The following KANTR variants were observed in gnomAD, a reference collection of about 807,000 sequenced individuals.
KANTR encodes KANTR integral membrane protein, also known as KDM5C adjacent transcript.
At chrX:53,115,066 G>T (rs1427646231) in intron 2 of KANTR, among the ~76,000 whole-genome samples, 1 of 112,222 alleles carries the variant, frequency 8.9e-6, no homozygotes, top group Non-Finnish European at 1.9e-5. Context: ...AGCCTGAAGG[G>T]TGGGGCCACA....
At chrX:53,134,377 T>A (rs782204330) in intron 2 of KANTR, among the ~76,000 whole-genome samples, 25 of 108,877 alleles carry the variant, frequency 2.3e-4, no homozygotes, top group East Asian at 2.3e-3. Context: ...AAAAAAAAAA[T>A]TTTTCCGCAA....
intron 2 of KANTR, among the ~76,000 whole-genome samples, chrX:53,112,571 G>A (rs1489544039): frequency 5.4e-5 from 6 of 111,726 alleles, no homozygotes; most frequent in African/African-American, 1.9e-4. Context: ...TTCATGGCCT[G>A]TAAGGTCTCT....
At chrX:53,146,318 ACCACAGC>A (rs1399081972), downstream of KANTR, among the ~76,000 whole-genome samples, 1 of 112,138 alleles carries the variant, frequency 8.9e-6, no homozygotes, top group Non-Finnish European at 1.9e-5. Flanking sequence ...GGAGCTGAAA[ACCACAGC>A]ACAAGAACTA....
chrX:53,113,915 T>G (rs1405849692), intron 2 of KANTR, among the ~76,000 whole-genome samples: 15 of 105,996 alleles, frequency 1.4e-4, no homozygotes, highest in Admixed American at 1.2e-3. Flanking sequence ...AAAATTTATT[T>G]TGAGACAGAG....
intron 2 of KANTR, among the ~76,000 whole-genome samples, chrX:53,107,111 C>T (rs896420012): frequency 1.8e-5 from 2 of 109,848 alleles, no homozygotes; most frequent in African/African-American, 6.8e-5. Context: ...AGTCTTCCAA[C>T]TTTGTTCTTT....
At chrX:53,141,523 C>T (rs1368022296) in intron 2 of KANTR, among the ~76,000 whole-genome samples, 1 of 111,590 alleles carries the variant, frequency 9.0e-6, no homozygotes, top group Admixed American at 9.6e-5. Flanking sequence ...TTTAAAGGAA[C>T]ATAACTGATT....
At chrX:53,100,155 C>G (rs1195636747) in intron 2 of KANTR, among the ~76,000 whole-genome samples, 2 of 112,312 alleles carry the variant, frequency 1.8e-5, no homozygotes, top group Non-Finnish European at 3.8e-5. Context: ...TAGATGGCAT[C>G]TTCTCCCCAT....
intron 2 of KANTR, among the ~76,000 whole-genome samples, chrX:53,116,683 C>T (rs1470633122): frequency 9.0e-6 from 1 of 111,571 alleles, no homozygotes; most frequent in Non-Finnish European, 1.9e-5. Flanking sequence ...TGATGATTTT[C>T]ACTTCATTCT....
intron 2 of KANTR, among the ~76,000 whole-genome samples, chrX:53,116,996 AAT>A (rs1556814676): frequency 8.9e-6 from 1 of 111,777 alleles, no homozygotes; most frequent in African/African-American, 3.3e-5. Context: ...ATGATAAAAG[AAT>A]AGGCTGGGCG....
chrX:53,124,741 G>C (rs1381562955), exon 3 of KANTR: 1 of 214,329 alleles, frequency 4.7e-6, no homozygotes. Context: ...TTATCTCTTT[G>C]TTATTGAAAT....
intron 2 of KANTR, among the ~76,000 whole-genome samples, chrX:53,116,936 C>T (rs1933131900): frequency 9.0e-6 from 1 of 111,548 alleles, no homozygotes; most frequent in African/African-American, 3.3e-5. Context: ...TCCTTCCTCA[C>T]GTTCTCTACT....
intron 2 of KANTR, among the ~76,000 whole-genome samples, chrX:53,134,641 A>G (rs1933399915): frequency 8.9e-6 from 1 of 112,075 alleles, no homozygotes; most frequent in African/African-American, 3.2e-5. Context: ...ATTTGCATTT[A>G]TCAGAACACA....
At chrX:53,128,645 G>T (rs1449387004), downstream of KANTR, among the ~76,000 whole-genome samples, 1 of 110,953 alleles carries the variant, frequency 9.0e-6, no homozygotes, top group East Asian at 2.8e-4. Context: ...AAATAAATCA[G>T]TTTTCTAGGA....
At chrX:53,095,715 T>C (rs1198084736) in intron 1 of KANTR, among the ~76,000 whole-genome samples, 2 of 111,494 alleles carry the variant, frequency 1.8e-5, no homozygotes, top group African/African-American at 6.5e-5. Context: ...TGTGTGTTGA[T>C]TGGTGATTCA....
chrX:53,133,679 T>C (rs966491752), intron 2 of KANTR, among the ~76,000 whole-genome samples: 1 of 111,689 alleles, frequency 9.0e-6, no homozygotes, highest in African/African-American at 3.3e-5. Context: ...GATCTACTAT[T>C]GAGGGTGGGG....
intron 2 of KANTR, among the ~76,000 whole-genome samples, chrX:53,117,698 G>C (rs1190776458): frequency 1.0e-5 from 1 of 95,419 alleles, no homozygotes; most frequent in African/African-American, 4.0e-5. Context: ...TCGGCTCACT[G>C]TAACCTCCGC....
chrX:53,127,670 C>T (rs1346287111), downstream of KANTR, among the ~76,000 whole-genome samples: 4 of 111,616 alleles, frequency 3.6e-5, no homozygotes, highest in Non-Finnish European at 7.5e-5. Context: ...TGGCTGTACG[C>T]CCTAGGGCTC....
chrX:53,109,664 T>C (rs1933000899), intron 2 of KANTR, among the ~76,000 whole-genome samples: 1 of 112,752 alleles, frequency 8.9e-6, no homozygotes, highest in Non-Finnish European at 1.9e-5. Context: ...TACTTTGTTG[T>C]TAGTGTATAG....
intron 2 of KANTR, among the ~76,000 whole-genome samples, chrX:53,105,693 G>T (rs1932942413): frequency 9.8e-6 from 1 of 102,203 alleles, no homozygotes; most frequent in African/African-American, 3.6e-5. Context: ...TAGAGATGGG[G>T]TTTCCTGTGT....
Sources: gnomAD v4.1 joint callset for allele counts (sites outside exome capture counted in the v4.1 genomes callset) on GRCh38, gnomAD v4.1.1 for gene constraint, MANE v1.5 for transcripts, NCBI Gene and HGNC (gene_info 2026-07-23, HGNC 2026-07-21) for gene names.